Variants in CAMKMT observed in about 807,000 individuals in gnomAD.
The protein encoded by CAMKMT is calmodulin-lysine N-methyltransferase.
In CAMKMT, 53 loss-of-function variants were observed where a neutral mutation model predicts 48.0. The observed-to-expected ratio is 1.10, with a 90% CI of 0.89 to 1.39. The LOEUF (loss-of-function observed/expected upper bound fraction) is 1.39. Among genes scored for constraint, CAMKMT ranks in the 40% most tolerant of loss-of-function variants. CAMKMT has a pLI of 0.00. For synonymous variants in CAMKMT, 165 were observed against 152.3 expected, an observed-to-expected ratio of 1.08 and a Z score of -0.61; for missense variants, 428 against 402.7, an observed-to-expected ratio of 1.06 and a Z score of -0.54.
At chr2:44,611,256 AC>A (rs1288463965) in intron 3 of CAMKMT, among the ~76,000 whole-genome samples, 2 of 152,032 alleles carry the variant, frequency 1.3e-5, no homozygotes, top group African/African-American at 2.4e-5. Context: ...ACATGGTGAA[AC>A]CCCATCTCTA....
intron 3 of CAMKMT, among the ~76,000 whole-genome samples, chr2:44,540,431 C>G (rs1667032211): frequency 6.6e-6 from 1 of 152,084 alleles, no homozygotes; most frequent in Admixed American, 6.6e-5. Flanking sequence ...AACATTGATT[C>G]TTTTTAGTGG....
intron 3 of CAMKMT, among the ~76,000 whole-genome samples, chr2:44,682,679 C>T (rs1002947087): frequency 6.6e-6 from 1 of 152,118 alleles, no homozygotes; most frequent in African/African-American, 2.4e-5. Flanking sequence ...AGATAAATAC[C>T]AAAGTGGAGA....
At chr2:44,585,807 T>A (rs1248518294) in intron 3 of CAMKMT, among the ~76,000 whole-genome samples, 1 of 152,182 alleles carries the variant, frequency 6.6e-6, no homozygotes, top group Non-Finnish European at 1.5e-5. Context: ...GGAGTCATAG[T>A]GGAATTCAAT....
chr2:44,400,934 A>G (rs1440409724), intron 3 of CAMKMT: 11 of 81,856 alleles, frequency 1.3e-4, no homozygotes, highest in Admixed American at 2.1e-4. Flanking sequence ...GTGTGTGTAT[A>G]TATATATATA....
At chr2:44,474,861 T>C (rs1668606030) in intron 3 of CAMKMT, among the ~76,000 whole-genome samples, 1 of 152,212 alleles carries the variant, frequency 6.6e-6, no homozygotes, top group Admixed American at 6.5e-5. Context: ...TCTGCTAAAA[T>C]GTAAGCTCCT....
chr2:44,769,143 AT>A lies in CAMKMT; in HGVS notation c.894+2583del, dbSNP rs1383243544. 2.3e-3 allele frequency among the ~76,000 whole-genome samples: 352 copies of A among 151,810 alleles called. 1 individual carries two copies. The highest frequency in any genetic ancestry group is 7.9e-3 in the African/African-American group (325 of 41,296). ...AGTGCAAGGTAAAAAAAAAAAAAAA[AT>A]CTACAGATTTAGGCAACCACCCATG... On this transcript the variant is annotated intron_variant, in intron 10 of 10. Transcript: ENST00000378494.
In CAMKMT at chr2:44,556,199, C is replaced by T. The variant is rs376452058; in HGVS notation, c.377-148084C>T. Among the ~76,000 whole-genome samples, 24 of 152,030 alleles carry T rather than the reference C, an allele frequency of 1.6e-4. No individual in the cohort carries two copies. The South Asian group carries it at 2.1e-3, about 13-fold the overall frequency. On this transcript the variant is annotated intron_variant, in intron 3 of 10. Transcript: ENST00000378494. ...TGTCACCCAGGCTGGAGTGCAGTGG[C>T]GCCATCTCAGCTCACTGCAACTTCC... is the stretch of plus-strand genomic sequence containing the variant.
intron 6 of CAMKMT, among the ~76,000 whole-genome samples, chr2:44,711,837 T>C (rs1049191440): frequency 6.6e-6 from 1 of 152,174 alleles, no homozygotes; most frequent in Non-Finnish European, 1.5e-5. Flanking sequence ...GTTTTAGAGA[T>C]GGAGCTCAGA....
intron 3 of CAMKMT, among the ~76,000 whole-genome samples, chr2:44,615,763 A>G (rs1425426497): frequency 6.6e-6 from 1 of 152,146 alleles, no homozygotes; most frequent in Admixed American, 6.5e-5. Flanking sequence ...CTCCAGAATG[A>G]GAATAATAGG....
intron 1 of CAMKMT, among the ~76,000 whole-genome samples, chr2:44,362,467 TC>T (rs1363670174): frequency 6.6e-6 from 1 of 151,626 alleles, no homozygotes; most frequent in African/African-American, 2.4e-5. Context: ...CGCCCGCCGC[TC>T]CCCACTGCTC....
intron 3 of CAMKMT, among the ~76,000 whole-genome samples, chr2:44,651,153 T>C (rs1674039668): frequency 6.6e-6 from 1 of 152,236 alleles, no homozygotes; most frequent in African/African-American, 2.4e-5. Flanking sequence ...AAAATGTTCA[T>C]TCAATTGATG....
chr2:44,501,861 GC>G (rs1670023224), intron 3 of CAMKMT, among the ~76,000 whole-genome samples: 1 of 152,074 alleles, frequency 6.6e-6, no homozygotes, highest in Non-Finnish European at 1.5e-5. Context: ...TCCAACCTGG[GC>G]AATAGAGTAG....
Position 44,486,847 on chromosome 2 carries a change from G to T in CAMKMT, c.376+96542G>T, listed in dbSNP as rs1669240982. Among the ~76,000 whole-genome samples the T allele has an allele frequency of 2.0e-5, 3 of 152,226 alleles. No homozygotes were observed. In the South Asian group the frequency reaches 6.2e-4, roughly 32 times the overall value. Reference sequence around the variant, plus strand: ...TGTGTTGTCTGTCCTGAGAGACATTGTCTGTGTTGTTTATAATTTAGATTC... The same window carrying T: ...TGTGTTGTCTGTCCTGAGAGACATTTTCTGTGTTGTTTATAATTTAGATTC... On this transcript the variant is annotated intron_variant, in intron 3 of 10. Transcript: ENST00000378494.
At chr2:44,639,321 C>T (rs1206351965) in intron 3 of CAMKMT, among the ~76,000 whole-genome samples, 1 of 152,162 alleles carries the variant, frequency 6.6e-6, no homozygotes, top group African/African-American at 2.4e-5. Context: ...GCACAAACAG[C>T]AAATGCCATC....
chr2:44,466,873 G>A (rs1668141967), intron 3 of CAMKMT, among the ~76,000 whole-genome samples: 1 of 152,100 alleles, frequency 6.6e-6, no homozygotes, highest in Non-Finnish European at 1.5e-5. Context: ...AGACTACTAT[G>A]AACAATTACA....
chr2:44,492,889 C>CTTTTTTTT (rs11400501), intron 3 of CAMKMT, among the ~76,000 whole-genome samples: 2 of 142,858 alleles, frequency 1.4e-5, no homozygotes, highest in African/African-American at 2.6e-5. Context: ...CATATTGTAT[C>CTTTTTTTT]TTTTTTTTTT....
intron 3 of CAMKMT, among the ~76,000 whole-genome samples, chr2:44,650,648 A>G (rs1240201087): frequency 2.0e-5 from 3 of 152,226 alleles, no homozygotes; most frequent in Non-Finnish European, 4.4e-5. Context: ...ATTTTCAAAT[A>G]ACTGGTTACA....
chr2:44,610,011 C>A (rs1671511111), intron 3 of CAMKMT, among the ~76,000 whole-genome samples: 1 of 152,158 alleles, frequency 6.6e-6, no homozygotes, highest in Admixed American at 6.5e-5. Flanking sequence ...TAGCCTAAGG[C>A]ATTGACTGTC....
intron 9 of CAMKMT, among the ~76,000 whole-genome samples, chr2:44,756,817 C>A (rs546303951): frequency 6.6e-6 from 1 of 152,028 alleles, no homozygotes; most frequent in Non-Finnish European, 1.5e-5. Context: ...ATCCTGAGTT[C>A]TTGATGATTC....
Sources: gnomAD v4.1 joint callset for allele counts (sites outside exome capture counted in the v4.1 genomes callset) on GRCh38, gnomAD v4.1.1 for gene constraint, MANE v1.5 for transcripts, NCBI Gene and HGNC (gene_info 2026-07-23, HGNC 2026-07-21) for gene names.